The following RTL4 variants were observed in gnomAD, a reference collection of about 807,000 sequenced individuals.
RTL4 encodes retrotransposon Gag-like protein 4.
Under a neutral mutation model 5.3 loss-of-function variants are expected in RTL4, and 4 were observed. The ratio of observed to expected loss-of-function variants is 0.75; its 90% CI spans 0.37 to 1.72. The LOEUF (loss-of-function observed/expected upper bound fraction) is 1.72. Among genes scored for constraint, RTL4 ranks in the 40% most tolerant of loss-of-function variants. The pLI, the probability that RTL4 is intolerant of heterozygous loss-of-function variation, is 0.04. For synonymous variants in RTL4, 98 were observed against 87.3 expected, an observed-to-expected ratio of 1.12 and a Z score of -0.68; for missense variants, 260 against 227.1, an observed-to-expected ratio of 1.14 and a Z score of -0.93.
chrX:112,115,333 T>A, the RTL4 span, among the ~76,000 whole-genome samples: 5 of 111,314 alleles, frequency 4.5e-5, no homozygotes, highest in Non-Finnish European at 9.4e-5. Flanking sequence ...AAAAATCAGA[T>A]TTAGTGGCCC....
chrX:112,128,574 G>T, the RTL4 span, among the ~76,000 whole-genome samples: 7 of 105,222 alleles, frequency 6.7e-5, no homozygotes, highest in Non-Finnish European at 1.2e-4. Context: ...CAGGAGACTC[G>T]CTTGAACCCG....
chrX:112,145,470 G>A, the RTL4 span, among the ~76,000 whole-genome samples: 1 of 111,137 alleles, frequency 9.0e-6, no homozygotes, highest in Non-Finnish European at 1.9e-5. Flanking sequence ...GTCAAGTTGA[G>A]TCTCTAAGTT....
At chrX:112,436,548 C>A in the RTL4 span, among the ~76,000 whole-genome samples, 1 of 111,738 alleles carries the variant, frequency 8.9e-6, no homozygotes, top group African/African-American at 3.2e-5. Context: ...TTTCTGAAAG[C>A]AAATATGATT....
At chrX:112,312,975 C>A in the RTL4 span, among the ~76,000 whole-genome samples, 41 of 111,046 alleles carry the variant, frequency 3.7e-4, no homozygotes, top group South Asian at 9.2e-3. Context: ...GATAGCCTGA[C>A]CACCGTCAGG....
the RTL4 span, among the ~76,000 whole-genome samples, chrX:112,131,332 G>C: frequency 9.1e-6 from 1 of 109,986 alleles, no homozygotes; most frequent in Non-Finnish European, 1.9e-5. Flanking sequence ...ACAAATCCCT[G>C]AGTAAATATT....
chrX:112,409,154 T>C, the RTL4 span, among the ~76,000 whole-genome samples: 1 of 112,233 alleles, frequency 8.9e-6, no homozygotes, highest in Non-Finnish European at 1.9e-5. Flanking sequence ...CTGTGGTGTG[T>C]AAACTACTAT....
the RTL4 span, among the ~76,000 whole-genome samples, chrX:112,212,669 G>A: frequency 1.5e-4 from 17 of 112,448 alleles, no homozygotes; most frequent in Non-Finnish European, 3.2e-4. Flanking sequence ...GGTTCTGAGA[G>A]AGGGTTGCTA....
the RTL4 span, among the ~76,000 whole-genome samples, chrX:112,145,972 G>A: frequency 8.9e-6 from 1 of 112,197 alleles, no homozygotes; most frequent in African/African-American, 3.2e-5. Flanking sequence ...CAATGAGAAG[G>A]CACTGTGGGA....
chrX:112,447,441 G>C, the RTL4 span, among the ~76,000 whole-genome samples: 1 of 112,280 alleles, frequency 8.9e-6, no homozygotes, highest in Non-Finnish European at 1.9e-5. Flanking sequence ...GTTGGAATTT[G>C]AATCTAGACT....
chrX:112,434,396 T>G, the RTL4 span, among the ~76,000 whole-genome samples: 1 of 111,538 alleles, frequency 9.0e-6, no homozygotes, highest in African/African-American at 3.3e-5. Context: ...TATTGATTAT[T>G]GCCACAATTT....
the RTL4 span, among the ~76,000 whole-genome samples, chrX:112,314,097 T>A: frequency 5.4e-5 from 6 of 111,919 alleles, no homozygotes; most frequent in Non-Finnish European, 9.4e-5. Flanking sequence ...TCTCCAGATA[T>A]ACAAATATCA....
the RTL4 span, among the ~76,000 whole-genome samples, chrX:112,247,348 A>G: frequency 8.9e-6 from 1 of 111,922 alleles, no homozygotes; most frequent in Non-Finnish European, 1.9e-5. Context: ...ATGACGTTTT[A>G]TCTCTATGGG....
At chrX:112,130,433 A>G in the RTL4 span, among the ~76,000 whole-genome samples, 5 of 109,851 alleles carry the variant, frequency 4.6e-5, no homozygotes, top group Non-Finnish European at 5.7e-5. Context: ...ACTTTTCCTG[A>G]CACAAGAGCC....
chrX:112,142,165 A>G, the RTL4 span, among the ~76,000 whole-genome samples: 1 of 112,552 alleles, frequency 8.9e-6, no homozygotes, highest in African/African-American at 3.2e-5. Context: ...ACTACCAAAG[A>G]GAACAAATCA....
the RTL4 span, among the ~76,000 whole-genome samples, chrX:112,432,126 A>C: frequency 9.6e-6 from 1 of 104,422 alleles, no homozygotes; most frequent in Non-Finnish European, 2.0e-5. Flanking sequence ...AATCCAGTCT[A>C]TCATTGTTGG....
the RTL4 span, among the ~76,000 whole-genome samples, chrX:112,337,491 C>CA: frequency 1.8e-5 from 2 of 111,003 alleles, no homozygotes; most frequent in Admixed American, 9.6e-5. Flanking sequence ...CCATGTTGGC[C>CA]AGTCTGGTCT....
the RTL4 span, among the ~76,000 whole-genome samples, chrX:112,328,002 G>C: frequency 9.4e-6 from 1 of 106,757 alleles, no homozygotes; most frequent in Non-Finnish European, 1.9e-5. Context: ...AGCTCCTGAA[G>C]GAAGTGCTAA....
chrX:112,377,706 A>G, the RTL4 span, among the ~76,000 whole-genome samples: 1 of 111,977 alleles, frequency 8.9e-6, no homozygotes, highest in Non-Finnish European at 1.9e-5. Context: ...AAGGCTCTGG[A>G]GCAGGACCAG....
At chrX:112,454,508 C>G in exon 1 of RTL4, 1 of 367,474 alleles carries the variant, frequency 2.7e-6, no homozygotes, top group Admixed American at 5.0e-5. Flanking sequence ...AGACCATTGG[C>G]CTTTTCCATG....
Sources: gnomAD v4.1 joint callset for allele counts (sites outside exome capture counted in the v4.1 genomes callset) on GRCh38, gnomAD v4.1.1 for gene constraint, MANE v1.5 for transcripts, NCBI Gene and HGNC (gene_info 2026-07-23, HGNC 2026-07-21) for gene names.